The following VPS8 variants were observed in gnomAD, a reference collection of about 807,000 sequenced individuals.
VPS8 encodes the protein VPS8 subunit of CORVET complex.
VPS8 carries 129 observed loss-of-function variants against 216.4 expected under a neutral mutation model. That is an observed-to-expected ratio of 0.60 (90% confidence interval 0.52 to 0.69). The LOEUF (loss-of-function observed/expected upper bound fraction) is 0.69. Among genes scored for constraint, VPS8 ranks in the 30% least tolerant of loss-of-function variants. The pLI, the probability that VPS8 is intolerant of heterozygous loss-of-function variation, is 0.00. For synonymous variants in VPS8, 571 were observed against 565.4 expected (o/e 1.01, Z -0.14); for missense variants, 1,531 against 1,683.5 (o/e 0.91, Z 1.59).
chr3:184,928,417 C>A lies in VPS8; in HGVS notation c.2632-34C>A, dbSNP rs80301553. The A allele has an allele frequency of 8.3e-4, 1,254 of 1,506,308 alleles. 16 individuals carry two copies. The African/African-American group carries it at 0.016, about 20-fold the overall frequency. The allele number at this position is 1,506,308 out of a possible 1,614,324, so 93.3% of individuals were successfully genotyped here. On this transcript the variant is annotated intron_variant, in intron 31 of 47. Transcript: ENST00000625842. ...CACTCTTAAAGAGCTAGTAAATTCT[C>A]AAGTGTTTTTACTCATTTATTGTAA...
intron 1 of VPS8, among the ~76,000 whole-genome samples, chr3:184,821,804 T>G (rs1717655933): frequency 6.6e-6 from 1 of 152,116 alleles, no homozygotes; most frequent in Admixed American, 6.6e-5. Context: ...AGAAGCGAGC[T>G]GGGTGGGGAA....
At chr3:184,813,822 C>T (rs1463689103) in intron 1 of VPS8, 1 of 152,154 alleles carries the variant, frequency 6.6e-6, no homozygotes, top group Non-Finnish European at 1.5e-5. Flanking sequence ...CACAAAATGT[C>T]AGTTATGTAT....
Position 184,853,838 on chromosome 3 carries a change from T to A in VPS8, c.822-19T>A. ...GATCATTGCTAAATTGATTCTGAAT[T>A]TTCAAATTGCATTTTCAGGAGAGTG... On this transcript the variant is annotated intron_variant, in intron 11 of 47. Transcript: ENST00000625842. 1 of 1,554,950 alleles carries A rather than the reference T, an allele frequency of 6.4e-7. No homozygotes were observed.
intron 16 of VPS8, among the ~76,000 whole-genome samples, chr3:184,864,424 T>C (rs1726959706): frequency 6.6e-6 from 1 of 152,148 alleles, no homozygotes; most frequent in Non-Finnish European, 1.5e-5. Context: ...AAGAGCACTA[T>C]GAAAGAGTCC....
intron 45 of VPS8, among the ~76,000 whole-genome samples, chr3:185,010,585 T>C (rs1239227533): frequency 6.6e-6 from 1 of 152,016 alleles, no homozygotes; most frequent in Non-Finnish European, 1.5e-5. Context: ...AAAACTACAA[T>C]GTCTGAGATG....
chr3:184,946,530 T>TC (rs1035107345), intron 36 of VPS8, among the ~76,000 whole-genome samples: 2 of 152,204 alleles, frequency 1.3e-5, no homozygotes, highest in African/African-American at 4.8e-5. Flanking sequence ...ATGATAATGT[T>TC]CTCTGCCACT....
chr3:184,949,255 C>T (rs1490537619), intron 36 of VPS8, among the ~76,000 whole-genome samples: 2 of 152,046 alleles, frequency 1.3e-5, no homozygotes, highest in Non-Finnish European at 2.9e-5. Flanking sequence ...CATGATCATG[C>T]CACTGCACTC....
chr3:184,918,966 T>G (rs540640218), intron 28 of VPS8: 1 of 151,986 alleles, frequency 6.6e-6, no homozygotes, highest in Non-Finnish European at 1.5e-5. Flanking sequence ...GTTCCTACAG[T>G]CTCCTTGGTA....
intron 5 of VPS8, 139 bp downstream of exon 5, chr3:184,834,881 T>G: frequency 1.6e-6 from 1 of 630,056 alleles, no homozygotes; most frequent in Non-Finnish European, 2.6e-6. Context: ...GGTTTTTGTG[T>G]GATGATTTTT....
intron 36 of VPS8, among the ~76,000 whole-genome samples, chr3:184,948,760 A>G (rs1744137515): frequency 6.6e-6 from 1 of 152,202 alleles, no homozygotes; most frequent in African/African-American, 2.4e-5. Flanking sequence ...AAGGGCTTCA[A>G]TGGCCCCTTA....
chr3:184,933,503 T>A (rs1411064601), intron 34 of VPS8, among the ~76,000 whole-genome samples: 2 of 150,320 alleles, frequency 1.3e-5, no homozygotes, highest in East Asian at 3.9e-4. Flanking sequence ...CCATCTCCCA[T>A]TCTGTGGCTT....
At chr3:185,043,965 G>A (rs957192306) in intron 46 of VPS8, among the ~76,000 whole-genome samples, 10 of 152,050 alleles carry the variant, frequency 6.6e-5, no homozygotes, top group African/African-American at 9.7e-5. Context: ...CGAGGCAGGC[G>A]GATCACCAGA....
intron 2 of VPS8, among the ~76,000 whole-genome samples, chr3:184,825,739 A>T (rs993988726): frequency 6.6e-6 from 1 of 152,086 alleles, no homozygotes; most frequent in Non-Finnish European, 1.5e-5. Flanking sequence ...CATCTCTACT[A>T]AAAATACAAA....
chr3:184,835,638 T>C (rs1260351931), intron 5 of VPS8, among the ~76,000 whole-genome samples: 1 of 152,158 alleles, frequency 6.6e-6, no homozygotes, highest in Non-Finnish European at 1.5e-5. Flanking sequence ...TGTATTTTCA[T>C]GTTCTTTTTG....
chr3:184,911,120 G>C (rs1343863671), intron 25 of VPS8, among the ~76,000 whole-genome samples: 1 of 152,184 alleles, frequency 6.6e-6, no homozygotes, highest in East Asian at 1.9e-4. Flanking sequence ...ATAATGAAAA[G>C]TTGTCTAAAA....
chr3:184,860,207 C>T (rs1362823307), intron 15 of VPS8, 142 bp downstream of exon 15: 43 of 728,746 alleles, frequency 5.9e-5, no homozygotes, highest in East Asian at 4.8e-4. Context: ...CACCGAGGCT[C>T]GTGCCTGTAG....
chr3:185,033,186 T>G (rs1758417252), intron 46 of VPS8, among the ~76,000 whole-genome samples: 1 of 152,234 alleles, frequency 6.6e-6, no homozygotes, highest in South Asian at 2.1e-4. Context: ...TTCTGTTGTA[T>G]ATTCTGTGAG....
intron 40 of VPS8, among the ~76,000 whole-genome samples, chr3:184,973,449 C>T (rs911780144): frequency 6.6e-6 from 1 of 152,030 alleles, no homozygotes; most frequent in African/African-American, 2.4e-5. Flanking sequence ...TATACATATT[C>T]GTGGGGTTAA....
At chr3:184,874,011 C>T (rs1291602036) in intron 21 of VPS8, among the ~76,000 whole-genome samples, 2 of 151,750 alleles carry the variant, frequency 1.3e-5, no homozygotes, top group African/African-American at 2.4e-5. Context: ...GCCACAAATC[C>T]GTTGTTTTGT....
Sources: allele counts gnomAD v4.1 joint callset (sites outside exome capture counted in the v4.1 genomes callset), GRCh38; gene constraint gnomAD v4.1.1; transcripts MANE v1.5; gene names NCBI Gene and HGNC (gene_info 2026-07-23, HGNC 2026-07-21).